Variants in KCNT2 observed in about 807,000 individuals in gnomAD.
KCNT2 encodes potassium sodium-activated channel subfamily T member 2.
KCNT2 carries 67 observed loss-of-function variants against 153.8 expected under a neutral mutation model. That is an observed-to-expected ratio of 0.44 (90% CI 0.36 to 0.53). The LOEUF (loss-of-function observed/expected upper bound fraction) is 0.53, where lower values mean the gene tolerates loss of function less well. Ranked by LOEUF, KCNT2 falls within the 20% of genes least tolerant of loss-of-function variation. KCNT2 has a pLI of 0.00. For synonymous variants in KCNT2, 500 were observed against 458.8 expected (o/e 1.09, Z -1.15); for missense variants, 975 against 1,354.8 (o/e 0.72, Z 4.40).
intron 27 of KCNT2, among the ~76,000 whole-genome samples, chr1:196,231,728 G>C (rs1246980857): frequency 6.6e-6 from 1 of 151,748 alleles, no homozygotes; most frequent in African/African-American, 2.4e-5. Context: ...TAGAAAACTA[G>C]TAAATCATGG....
Position 196,437,648 on chromosome 1 carries a change from AAT to A in KCNT2, c.639-7893_639-7892del. On this transcript the variant is annotated intron_variant, in intron 8 of 27. Coordinates refer to ENST00000294725, the MANE Select transcript of KCNT2 (RefSeq NM_198503.5). The stretch of plus-strand genomic sequence containing the variant: ...ACTTTCAAATGAAAAATTGCAAATG[AAT>A]ATCTTTTTAGTATAATTTCTCCATT... 1.3e-5 allele frequency among the ~76,000 whole-genome samples: 2 copies of A among 150,904 alleles called. 1 individual carries two copies. The highest frequency in any genetic ancestry group is 4.1e-4 in the South Asian group (2 of 4,822).
chr1:196,325,922 G>A (rs1055820154), intron 19 of KCNT2, among the ~76,000 whole-genome samples: 3 of 152,090 alleles, frequency 2.0e-5, no homozygotes, highest in Non-Finnish European at 4.4e-5. Context: ...ATTTTGAAAG[G>A]CAGAGACAAG....
intron 12 of KCNT2, among the ~76,000 whole-genome samples, chr1:196,412,469 C>T (rs549551123): frequency 7.4e-5 from 11 of 149,270 alleles, no homozygotes; most frequent in Admixed American, 5.4e-4. Context: ...GGTACTTTTC[C>T]TTCCTTGTAT....
intron 14 of KCNT2, among the ~76,000 whole-genome samples, chr1:196,344,090 A>G (rs971503848): frequency 1.3e-5 from 2 of 152,064 alleles, no homozygotes; most frequent in African/African-American, 4.8e-5. Context: ...AAACTCTACA[A>G]TCTTTTGTGA....
chr1:196,349,231 T>C (rs1288888817), intron 14 of KCNT2, among the ~76,000 whole-genome samples: 3 of 152,146 alleles, frequency 2.0e-5, no homozygotes, highest in Non-Finnish European at 2.9e-5. Flanking sequence ...AGTAAATAAA[T>C]TACAAATTCC....
chr1:196,331,836 G>A (rs905597078), intron 17 of KCNT2, among the ~76,000 whole-genome samples: 2 of 151,964 alleles, frequency 1.3e-5, no homozygotes, highest in South Asian at 2.1e-4. Context: ...CTACATAACC[G>A]AAATGGAACA....
At chr1:196,236,137 C>G (rs967641551) in intron 26 of KCNT2, 67 bp from the exon 27 acceptor site, 1 of 853,548 alleles carries the variant, frequency 1.2e-6, no homozygotes, top group East Asian at 2.4e-5. Context: ...TACTAGTGAA[C>G]AGCTTATATT....
chr1:196,542,920 G>A (rs377522750), intron 1 of KCNT2, among the ~76,000 whole-genome samples: 1 of 152,060 alleles, frequency 6.6e-6, no homozygotes. Flanking sequence ...CTCTCTTACT[G>A]AGAAAATGAC....
intron 3 of KCNT2, among the ~76,000 whole-genome samples, chr1:196,485,248 A>C (rs1198466686): frequency 2.6e-5 from 4 of 152,056 alleles, no homozygotes; most frequent in South Asian, 4.1e-4. Context: ...TTGAACAATG[A>C]GATCACATGG....
At chr1:196,409,613 T>A (rs1014818317) in intron 12 of KCNT2, among the ~76,000 whole-genome samples, 1 of 151,824 alleles carries the variant, frequency 6.6e-6, no homozygotes, top group Non-Finnish European at 1.5e-5. Flanking sequence ...CAACACATCA[T>A]TTCTATTTGC....
chr1:196,403,831 A>G (rs1671616742), intron 12 of KCNT2, among the ~76,000 whole-genome samples: 1 of 151,720 alleles, frequency 6.6e-6, no homozygotes, highest in Admixed American at 6.6e-5. Flanking sequence ...TTCAGAGGTT[A>G]CAAAAATGCA....
chr1:196,369,504 T>C (rs1169482163), intron 14 of KCNT2, among the ~76,000 whole-genome samples: 1 of 127,714 alleles, frequency 7.8e-6, no homozygotes, highest in Non-Finnish European at 1.6e-5. Flanking sequence ...GTCCCCAGAA[T>C]GTGATGTTCC....
chr1:196,512,723 C>T (rs777739175), intron 1 of KCNT2, among the ~76,000 whole-genome samples: 2 of 151,914 alleles, frequency 1.3e-5, no homozygotes, highest in Non-Finnish European at 2.9e-5. Flanking sequence ...TATTTTCAAC[C>T]AAGATGCAGT....
intron 3 of KCNT2, among the ~76,000 whole-genome samples, chr1:196,482,787 T>C (rs1679115529): frequency 2.0e-5 from 3 of 152,004 alleles, no homozygotes; most frequent in Non-Finnish European, 1.5e-5. Context: ...CAGAAAAAAA[T>C]CAGTAACAGA....
chr1:196,522,073 C>G (rs1261812704), intron 1 of KCNT2, among the ~76,000 whole-genome samples: 1 of 152,100 alleles, frequency 6.6e-6, no homozygotes, highest in Non-Finnish European at 1.5e-5. Flanking sequence ...CAATACACCA[C>G]AGAATATAAT....
At chr1:196,240,274 A>C (rs975291447) in intron 26 of KCNT2, among the ~76,000 whole-genome samples, 1 of 152,034 alleles carries the variant, frequency 6.6e-6, no homozygotes, top group Non-Finnish European at 1.5e-5. Context: ...CAAATTATTT[A>C]ATTTCTCTTA....
rs537721406 is a variant in KCNT2 at position 196,286,234 on chromosome 1, G to A, written c.2596-476C>T. On this transcript the variant is annotated intron_variant, in intron 22 of 27. Coordinates refer to ENST00000294725, the MANE Select transcript of KCNT2 (RefSeq NM_198503.5). ...ATACATTGAAATCCTAATCCCCAAG[G>A]TAATAGTATTAGGAAGTGAAGCCTT... 2.0e-5 allele frequency among the ~76,000 whole-genome samples: 3 copies of A among 152,176 alleles called. No homozygotes were observed. In the South Asian group the frequency reaches 6.2e-4, roughly 32 times the overall value.
chr1:196,462,190 C>A (rs770435821), intron 8 of KCNT2, among the ~76,000 whole-genome samples: 1 of 151,510 alleles, frequency 6.6e-6, no homozygotes, highest in Non-Finnish European at 1.5e-5. Context: ...TCTCTGTGGC[C>A]TAAAATTATT....
chr1:196,229,333 G>A (rs1055317236), intron 27 of KCNT2, among the ~76,000 whole-genome samples: 57 of 151,846 alleles, frequency 3.8e-4, no homozygotes, highest in African/African-American at 1.2e-3. Flanking sequence ...TGTTCCTATT[G>A]TAATTGTTTT....
Sources: allele counts gnomAD v4.1 joint callset (sites outside exome capture counted in the v4.1 genomes callset), GRCh38; gene constraint gnomAD v4.1.1; transcripts MANE v1.5; gene names NCBI Gene and HGNC (gene_info 2026-07-23, HGNC 2026-07-21).